The following ROR1 variants were observed in gnomAD, a reference collection of about 807,000 sequenced individuals.
The protein encoded by ROR1 is inactive tyrosine-protein kinase transmembrane receptor ROR1.
In ROR1, 19 loss-of-function variants were observed where a neutral mutation model predicts 78.8. The observed-to-expected ratio is 0.24, with a 90% CI of 0.17 to 0.35. The LOEUF is 0.35. ROR1 is among the 10% of genes least tolerant of loss of function. The pLI is 1.00. For synonymous variants in ROR1, 386 were observed against 433.6 expected (o/e 0.89, Z 1.36); for missense variants, 917 against 1,177.8 (o/e 0.78, Z 3.24).
intron 1 of ROR1, among the ~76,000 whole-genome samples, chr1:63,864,871 C>G (rs961789880): frequency 1.6e-5 from 2 of 122,984 alleles, no homozygotes; most frequent in African/African-American, 6.8e-5. Flanking sequence ...TATTTTTTTT[C>G]CTTTTGTTTT....
At position 64,177,741 on chromosome 1, in the gene ROR1, G is replaced by A. The variant is rs1650424870; in HGVS notation, c.1700G>A (p.Arg567Lys). 14 of 1,614,156 alleles carry A rather than the reference G, an allele frequency of 8.7e-6. No homozygotes were observed. The highest frequency in any genetic ancestry group is 1.2e-5 in the Non-Finnish European group (14 of 1,180,014). The change falls in exon 9 of 9, where the codon AGA becomes AAA. Residue 567 changes from arginine (R) to lysine (K), a missense_variant. Physicochemically the swap from Arg to Lys is conservative, Grantham distance 26 (BLOSUM62 2). Coordinates refer to ENST00000371079, the MANE Select transcript of ROR1 (RefSeq NM_005012.4). ...GATCTCCATGAGTTCCTCATCATGA[G>A]ATCCCCACACTCTGATGTTGGCTGC... is the stretch of plus-strand genomic sequence containing the variant. Reference protein sequence around the residue: ...QGDLHEFLIMRSPHSDVGCSS... With the variant: ...QGDLHEFLIMKSPHSDVGCSS...
Position 64,049,853 on chromosome 1 carries a change from C to T in ROR1, c.326C>T (p.Ser109Phe), listed in dbSNP as rs1646814586. 1 of 1,614,208 alleles carries T rather than the reference C, an allele frequency of 6.2e-7. No homozygotes were observed. The change falls in exon 3 of 9, where the codon TCC becomes TTC. Residue 109 changes from serine to phenylalanine, a missense_variant. Ser to Phe is a radical substitution (Grantham distance 155, BLOSUM62 -2). Transcript: ENST00000371079. ...GAGCCCCGGAGGCTCTCCTTTCGGT[C>T]CACCATCTATGGCTCTCGGCTGCGG... ...VQEPRRLSFR[S>F]TIYGSRLRIR...
At chr1:63,998,421 A>G (rs893634192) in intron 1 of ROR1, among the ~76,000 whole-genome samples, 3 of 151,994 alleles carry the variant, frequency 2.0e-5, no homozygotes, top group Non-Finnish European at 4.4e-5. Context: ...CTTCTGTTTG[A>G]GGTCCCAACA....
chr1:64,004,381 T>C (rs1310767447), intron 1 of ROR1, among the ~76,000 whole-genome samples: 4 of 152,242 alleles, frequency 2.6e-5, no homozygotes, highest in Non-Finnish European at 5.9e-5. Context: ...AATCCTCTTA[T>C]GTTCCTCTAT....
chr1:64,096,518 C>A (rs989489087), intron 4 of ROR1, among the ~76,000 whole-genome samples: 25 of 152,116 alleles, frequency 1.6e-4, no homozygotes, highest in Admixed American at 1.6e-3. Flanking sequence ...CATTGGTTTG[C>A]TAAGGATAAT....
intron 1 of ROR1, among the ~76,000 whole-genome samples, chr1:63,978,417 T>C: frequency 6.6e-6 from 1 of 152,368 alleles, no homozygotes; most frequent in Admixed American, 6.5e-5. Flanking sequence ...TATACTTTTA[T>C]TGAACACTTC....
intron 5 of ROR1, among the ~76,000 whole-genome samples, chr1:64,139,710 G>A (rs1557670417): frequency 6.6e-6 from 1 of 152,298 alleles, no homozygotes; most frequent in African/African-American, 2.4e-5. Flanking sequence ...CTGTGCTCAG[G>A]CTCAGCCACT....
chr1:64,038,431 TCA>T (rs564389547), intron 2 of ROR1, among the ~76,000 whole-genome samples: 143 of 152,332 alleles, frequency 9.4e-4, no homozygotes, highest in African/African-American at 3.2e-3. Context: ...GCTTTTGCTC[TCA>T]CTCTGACTTG....
intron 2 of ROR1, among the ~76,000 whole-genome samples, chr1:64,015,365 G>A (rs1021445291): frequency 2.0e-5 from 3 of 152,164 alleles, no homozygotes; most frequent in African/African-American, 7.2e-5. Context: ...TGATAGGATA[G>A]CTGCTTGCTC....
intron 4 of ROR1, among the ~76,000 whole-genome samples, chr1:64,093,151 T>C (rs948383015): frequency 1.6e-4 from 24 of 152,282 alleles, no homozygotes; most frequent in African/African-American, 5.5e-4. Flanking sequence ...CTATATTATA[T>C]TAAGGATGCA....
At chr1:63,896,190 TA>T (rs562185822) in intron 1 of ROR1, among the ~76,000 whole-genome samples, 75 of 152,198 alleles carry the variant, frequency 4.9e-4, no homozygotes, top group Non-Finnish European at 1.0e-3. Context: ...ATCAGATTGT[TA>T]AAAAATAAGG....
At chr1:64,116,133 G>A (rs1041816096) in intron 4 of ROR1, among the ~76,000 whole-genome samples, 2 of 152,140 alleles carry the variant, frequency 1.3e-5, no homozygotes, top group Non-Finnish European at 2.9e-5. Context: ...GGTCACTAAT[G>A]AGATGAGACC....
chr1:64,022,199 T>C (rs1646570664), intron 2 of ROR1, among the ~76,000 whole-genome samples: 1 of 152,178 alleles, frequency 6.6e-6, no homozygotes, highest in Non-Finnish European at 1.5e-5. Flanking sequence ...GGTAAATGCA[T>C]AGAGGCAGAA....
chr1:63,817,209 T>C (rs1351347784), intron 1 of ROR1, among the ~76,000 whole-genome samples: 1 of 152,198 alleles, frequency 6.6e-6, no homozygotes, highest in African/African-American at 2.4e-5. Flanking sequence ...GTGGCTGTAA[T>C]GCTGCCCTGC....
rs149470312 is a variant in ROR1, at chr1:63,849,571, G to A, written c.91+75063G>A. Among the ~76,000 whole-genome samples, 938 of 152,134 alleles carry A rather than the reference G, an allele frequency of 6.2e-3. 14 individuals carry two copies. The highest frequency in any genetic ancestry group is 0.022 in the African/African-American group (908 of 41,490). On this transcript the variant is annotated intron_variant, in intron 1 of 8. Coordinates refer to ENST00000371079, the MANE Select transcript of ROR1 (RefSeq NM_005012.4). ...AAAGTTGGCGGGGTGTGGGGTGGGC[G>A]CCTGTGGTCCCAGCTACTCCAGAGA...
intron 1 of ROR1, among the ~76,000 whole-genome samples, chr1:63,995,745 G>T (rs75988246): frequency 0.013 from 1,996 of 152,200 alleles, 43 homozygotes; most frequent in African/African-American, 0.046. Context: ...AAAATATAGT[G>T]TCTTAAAACA....
intron 1 of ROR1, among the ~76,000 whole-genome samples, chr1:63,885,708 C>G (rs1358574876): frequency 1.3e-5 from 2 of 152,110 alleles, no homozygotes; most frequent in Non-Finnish European, 2.9e-5. Flanking sequence ...CATTTTTCTC[C>G]CAAGAGTAGG....
intron 1 of ROR1, among the ~76,000 whole-genome samples, chr1:63,835,047 C>A (rs558012451): frequency 1.3e-5 from 2 of 152,120 alleles, no homozygotes; most frequent in African/African-American, 2.4e-5. Flanking sequence ...CCATCCTCCC[C>A]TAAAGTCACA....
chr1:64,045,366 T>C (rs1171637193), intron 2 of ROR1, among the ~76,000 whole-genome samples: 40 of 152,156 alleles, frequency 2.6e-4, no homozygotes, highest in Non-Finnish European at 4.4e-5. Flanking sequence ...CTATTTTTGG[T>C]ATACGCGTGT....
Sources: gnomAD v4.1 joint callset for allele counts (sites outside exome capture counted in the v4.1 genomes callset) on GRCh38, gnomAD v4.1.1 for gene constraint, MANE v1.5 for transcripts, NCBI Gene and HGNC (gene_info 2026-07-23, HGNC 2026-07-21) for gene names.